FBXO15: variants seen among roughly 807,000 people sequenced by gnomAD.
The protein encoded by FBXO15 is F-box protein 15, also known as F-box only protein 15.
In FBXO15, 30 loss-of-function variants were observed where a neutral mutation model predicts 49.5. That is an observed-to-expected ratio of 0.61 (90% CI 0.45 to 0.82). The LOEUF (loss-of-function observed/expected upper bound fraction) is 0.82, where lower values mean the gene tolerates loss of function less well. FBXO15 is among the 40% of genes least tolerant of loss of function. The pLI is 0.00. For synonymous variants in FBXO15, 250 were observed against 232.7 expected (o/e 1.07, Z -0.68); for missense variants, 591 against 631.5 (o/e 0.94, Z 0.69).
At chr18:74,144,122 T>C (rs73476558) in intron 1 of FBXO15, among the ~76,000 whole-genome samples, 13,383 of 152,272 alleles carry the variant, frequency 0.088, 1,091 homozygotes, top group African/African-American at 0.21. Context: ...GCTAAAGTAA[T>C]TGCGGCTTTT....
At chr18:74,127,011 G>A (rs1359211459) in intron 5 of FBXO15, among the ~76,000 whole-genome samples, 1 of 152,204 alleles carries the variant, frequency 6.6e-6, no homozygotes, top group East Asian at 1.9e-4. Context: ...ATAAATGCAG[G>A]GTCAGGAACC....
At chr18:74,091,874 T>C (rs969525660) in intron 8 of FBXO15, among the ~76,000 whole-genome samples, 1 of 152,180 alleles carries the variant, frequency 6.6e-6, no homozygotes, top group Non-Finnish European at 1.5e-5. Flanking sequence ...ATGGTCTTCT[T>C]GTGTAGTGTT....
At chr18:74,100,705 A>G (rs932367213) in intron 8 of FBXO15, among the ~76,000 whole-genome samples, 1 of 152,172 alleles carries the variant, frequency 6.6e-6, no homozygotes, top group Admixed American at 6.5e-5. Context: ...AATAAGAACA[A>G]TTAGAAATGA....
chr18:74,124,985 T>C (rs1236240708), intron 6 of FBXO15, among the ~76,000 whole-genome samples: 2 of 152,192 alleles, frequency 1.3e-5, no homozygotes, highest in East Asian at 1.9e-4. Flanking sequence ...AAGTAACTGC[T>C]TGATTTGGCC....
chr18:74,112,028 G>T (rs1287934050), intron 8 of FBXO15, among the ~76,000 whole-genome samples: 2 of 152,092 alleles, frequency 1.3e-5, no homozygotes, highest in African/African-American at 2.4e-5. Flanking sequence ...AGCTATTAAA[G>T]AAATTGAATC....
chr18:74,129,709 C>T (rs908224979), intron 4 of FBXO15, 95 bp from the exon 5 acceptor site: 2 of 1,013,158 alleles, frequency 2.0e-6, no homozygotes, highest in Admixed American at 2.7e-5. Flanking sequence ...GCATCTAGTT[C>T]CTTAAAAGCC....
intron 8 of FBXO15, among the ~76,000 whole-genome samples, chr18:74,100,315 G>A (rs576880563): frequency 2.0e-5 from 3 of 152,150 alleles, no homozygotes; most frequent in South Asian, 4.1e-4. Context: ...TCCTGAGTGA[G>A]CACTGGGTCA....
chr18:74,086,451 C>T (rs866323905), intron 8 of FBXO15, among the ~76,000 whole-genome samples: 21 of 152,114 alleles, frequency 1.4e-4, no homozygotes, highest in South Asian at 2.1e-4. Context: ...TGTTTTTAGA[C>T]GGAGTCTCAC....
intron 1 of FBXO15, among the ~76,000 whole-genome samples, chr18:74,146,693 AAGCAAC>A (rs1979435195): frequency 6.6e-6 from 1 of 152,176 alleles, no homozygotes; most frequent in South Asian, 2.1e-4. Context: ...TCACAGCACT[AAGCAAC>A]AGGGCTGGGC....
chr18:74,145,969 A>G (rs1369894407), intron 1 of FBXO15, among the ~76,000 whole-genome samples: 1 of 152,238 alleles, frequency 6.6e-6, no homozygotes, highest in Non-Finnish European at 1.5e-5. Flanking sequence ...ATGCGAATCT[A>G]TACGTCTACA....
At chr18:74,135,206 C>T (rs1323163559) in intron 3 of FBXO15, among the ~76,000 whole-genome samples, 1 of 152,194 alleles carries the variant, frequency 6.6e-6, no homozygotes. Flanking sequence ...TCTCTTTTGG[C>T]TCCCTTCATC....
intron 1 of FBXO15, 172 bp downstream of exon 1, chr18:74,147,498 C>T (rs779988974): frequency 6.5e-6 from 8 of 1,235,434 alleles, no homozygotes; most frequent in Non-Finnish European, 8.1e-6. Context: ...GGGTACCCCA[C>T]GTTGCAGGGT....
chr18:74,123,630 A>G, intron 7 of FBXO15, 120 bp from the exon 8 acceptor site: 1 of 1,046,882 alleles, frequency 9.6e-7, no homozygotes. Flanking sequence ...TACAAATGAA[A>G]CTCCATAGGA....
chr18:74,138,293 G>T (rs942869377), intron 2 of FBXO15, among the ~76,000 whole-genome samples: 34 of 152,244 alleles, frequency 2.2e-4, no homozygotes, highest in African/African-American at 7.2e-4. Flanking sequence ...TAGAACACAC[G>T]CAAGTAGGAA....
chr18:74,123,723 T>A (rs1914571932), intron 7 of FBXO15, among the ~76,000 whole-genome samples: 1 of 152,136 alleles, frequency 6.6e-6, no homozygotes, highest in Non-Finnish European at 1.5e-5. Flanking sequence ...GGCAATGATG[T>A]GAGTTCTGTA....
chr18:74,101,326 A>G (rs1002931951), intron 8 of FBXO15, among the ~76,000 whole-genome samples: 2 of 152,188 alleles, frequency 1.3e-5, no homozygotes, highest in Non-Finnish European at 2.9e-5. Context: ...ATCTCAGTAG[A>G]TGCTGTAAAA....
At chr18:74,092,885 G>A (rs1407152882) in intron 8 of FBXO15, among the ~76,000 whole-genome samples, 3 of 152,128 alleles carry the variant, frequency 2.0e-5, no homozygotes, top group Admixed American at 2.0e-4. Flanking sequence ...AGCACAGCAG[G>A]GTGCATGCTT....
At chr18:74,100,777 C>T (rs150948933) in intron 8 of FBXO15, among the ~76,000 whole-genome samples, 13,303 of 152,134 alleles carry the variant, frequency 0.087, 820 homozygotes, top group Admixed American at 0.2. Flanking sequence ...CTACTATGAA[C>T]ACCTTTATGC....
At chr18:74,123,143 TGGCATTGAGA>T in intron 8 of FBXO15, 3 of 438,958 alleles carry the variant, frequency 6.8e-6, no homozygotes, top group South Asian at 4.6e-5. Flanking sequence ...CCCCAGAAGG[TGGCATTGAGA>T]GTGATGGTGG....
Sources: gnomAD v4.1 joint callset for allele counts (sites outside exome capture counted in the v4.1 genomes callset) on GRCh38, gnomAD v4.1.1 for gene constraint, MANE v1.5 for transcripts, NCBI Gene and HGNC (gene_info 2026-07-23, HGNC 2026-07-21) for gene names.